Variants in OSBPL1A observed in about 807,000 individuals in gnomAD.
OSBPL1A encodes the protein oxysterol-binding protein-related protein 1.
In OSBPL1A, 80 loss-of-function variants were observed where a neutral mutation model predicts 137.1. The ratio of observed to expected loss-of-function variants is 0.58; its 90% CI spans 0.49 to 0.70. The LOEUF is 0.70. OSBPL1A is among the 30% of genes least tolerant of loss of function. The pLI, the probability that OSBPL1A is intolerant of heterozygous loss-of-function variation, is 0.00. For missense variants in OSBPL1A, 970 were observed against 1,129.4 expected, an observed-to-expected ratio of 0.86 and a Z score of 2.02; for synonymous variants, 365 against 389.7, an observed-to-expected ratio of 0.94 and a Z score of 0.75.
chr18:24,225,984 TAAAATACTTTTA>T (rs1251842297), intron 16 of OSBPL1A, among the ~76,000 whole-genome samples: 2 of 152,068 alleles, frequency 1.3e-5, no homozygotes, highest in African/African-American at 4.8e-5. Flanking sequence ...CAAAAATAAA[TAAAATACTTTTA>T]AAAATACTTT....
intron 13 of OSBPL1A, among the ~76,000 whole-genome samples, chr18:24,310,432 CAAAA>C (rs3039412): frequency 1.5e-3 from 131 of 89,724 alleles, no homozygotes; most frequent in African/African-American, 4.7e-3. Flanking sequence ...ACTAAAAATA[CAAAA>C]AAAAAAAAAA....
intron 22 of OSBPL1A, 134 bp from the exon 23 acceptor site, chr18:24,171,632 G>A (rs754534461): frequency 1.2e-5 from 8 of 663,114 alleles, no homozygotes; most frequent in Admixed American, 5.5e-5. Flanking sequence ...ATACTAAAGT[G>A]ATAATGATTA....
chr18:24,288,857 T>C (rs1279803427), intron 14 of OSBPL1A, among the ~76,000 whole-genome samples: 2 of 151,604 alleles, frequency 1.3e-5, no homozygotes, highest in African/African-American at 4.8e-5. Context: ...TTTAGCATAA[T>C]GGTAGGGGGA....
At chr18:24,346,275 C>T (rs2146163937) in intron 4 of OSBPL1A, among the ~76,000 whole-genome samples, 1 of 152,242 alleles carries the variant, frequency 6.6e-6, no homozygotes. Context: ...AGAGAAAAAT[C>T]CTCATGCCCA....
At chr18:24,218,354 T>C (rs1301904531) in intron 17 of OSBPL1A, 1 of 152,240 alleles carries the variant, frequency 6.6e-6, no homozygotes, top group Non-Finnish European at 1.5e-5. Flanking sequence ...AAGATTAGCA[T>C]GACCCCTGAA....
intron 15 of OSBPL1A, among the ~76,000 whole-genome samples, chr18:24,260,234 G>C (rs965612348): frequency 6.6e-6 from 1 of 152,152 alleles, no homozygotes; most frequent in African/African-American, 2.4e-5. Context: ...TAAAACGTCA[G>C]CCACTGCGGA....
intron 15 of OSBPL1A, among the ~76,000 whole-genome samples, chr18:24,275,947 T>A (rs1020837314): frequency 6.6e-6 from 1 of 152,074 alleles, no homozygotes; most frequent in African/African-American, 2.4e-5. Flanking sequence ...CAGATTGGTC[T>A]CAAACTCCTA....
At chr18:24,343,411 C>G (rs1035784987) in intron 4 of OSBPL1A, among the ~76,000 whole-genome samples, 2 of 152,134 alleles carry the variant, frequency 1.3e-5, no homozygotes, top group African/African-American at 4.8e-5. Flanking sequence ...CCAAAGCTAT[C>G]TACAGATTCA....
chr18:24,368,912 G>A (rs1905387712), intron 2 of OSBPL1A, among the ~76,000 whole-genome samples: 1 of 152,090 alleles, frequency 6.6e-6, no homozygotes, highest in Non-Finnish European at 1.5e-5. Context: ...GGGGCCTGGT[G>A]GGAGGTGATT....
intron 21 of OSBPL1A, among the ~76,000 whole-genome samples, chr18:24,173,750 A>G (rs911923299): frequency 5.3e-5 from 8 of 152,244 alleles, no homozygotes; most frequent in Non-Finnish European, 7.3e-5. Context: ...TTTAATTTAC[A>G]TAAGGTAAAA....
intron 5 of OSBPL1A, among the ~76,000 whole-genome samples, chr18:24,339,144 G>GT (rs1214722392): frequency 6.6e-6 from 1 of 151,968 alleles, no homozygotes; most frequent in East Asian, 1.9e-4. Context: ...GCTAATTTTT[G>GT]TATTTTTAGT....
chr18:24,274,931 G>T (rs1042303651), intron 15 of OSBPL1A, among the ~76,000 whole-genome samples: 3 of 151,908 alleles, frequency 2.0e-5, no homozygotes, highest in African/African-American at 7.2e-5. Flanking sequence ...AAAAAAGAAG[G>T]TGACTGAGGG....
At chr18:24,259,586 T>C (rs1192433227) in intron 15 of OSBPL1A, among the ~76,000 whole-genome samples, 1 of 152,122 alleles carries the variant, frequency 6.6e-6, no homozygotes, top group African/African-American at 2.4e-5. Flanking sequence ...GAACAGCCCC[T>C]AACACCTGAA....
chr18:24,349,931 C>A (rs1212793737), intron 4 of OSBPL1A, among the ~76,000 whole-genome samples: 1 of 152,088 alleles, frequency 6.6e-6, no homozygotes, highest in Non-Finnish European at 1.5e-5. Flanking sequence ...TTGATTTAAG[C>A]CTCTAAATTT....
intron 3 of OSBPL1A, chr18:24,367,753 C>A (rs561729517): frequency 1.3e-5 from 2 of 151,186 alleles, no homozygotes; most frequent in South Asian, 4.2e-4. Context: ...CCTCCTTTAT[C>A]AATTTAATAA....
rs11659802 is a variant in OSBPL1A at position 24,194,867 on chromosome 18, C to A, written c.1677+1258G>T. On this transcript the variant is annotated intron_variant, in intron 18 of 27. Coordinates refer to ENST00000319481, the MANE Select transcript of OSBPL1A (RefSeq NM_080597.4). ...GATTAGATCCCACATTATCAGGCTC[C>A]GAAATTTAGATGAATTACTCTCCAT... Among the ~76,000 whole-genome samples, 253 of 151,938 alleles carry A rather than the reference C, an allele frequency of 1.7e-3. 5 individuals carry two copies. Among genetic ancestry groups the A allele is most frequent in the Non-Finnish European group, 4.0e-4 (27 of 67,964 alleles).
chr18:24,395,918 G>A (rs1046412618), intron 1 of OSBPL1A, among the ~76,000 whole-genome samples: 12 of 147,830 alleles, frequency 8.1e-5, no homozygotes, highest in Admixed American at 2.7e-4. Context: ...CATGGCACCC[G>A]GCCAGGAATA....
intron 15 of OSBPL1A, among the ~76,000 whole-genome samples, chr18:24,273,346 G>T (rs186314461): frequency 4.6e-5 from 7 of 152,180 alleles, no homozygotes; most frequent in Admixed American, 1.3e-4. Flanking sequence ...GAAAATTAGA[G>T]AATGAATTCA....
rs1450366255 is a variant in OSBPL1A at position 24,365,048 on chromosome 18, A to T, written c.282+1844T>A. Among the ~76,000 whole-genome samples the T allele has an allele frequency of 2.7e-5, 4 of 149,772 alleles. No homozygotes were observed. In the East Asian group the frequency reaches 7.8e-4, roughly 29 times the overall value. The stretch of plus-strand genomic sequence containing the variant: ...AACAAAAAAAAAAAAAAAAAAAAAA[A>T]TCCAGAAACATTTAAATTATGGTCA... On this transcript the variant is annotated intron_variant, in intron 4 of 27. Coordinates refer to ENST00000319481, the MANE Select transcript of OSBPL1A (RefSeq NM_080597.4).
Sources: allele counts gnomAD v4.1 joint callset (sites outside exome capture counted in the v4.1 genomes callset), GRCh38; gene constraint gnomAD v4.1.1; transcripts MANE v1.5; gene names NCBI Gene and HGNC (gene_info 2026-07-23, HGNC 2026-07-21).